Variants in DMD observed in about 807,000 individuals in gnomAD.
DMD encodes mutant dystrophin.
In DMD, 63 loss-of-function variants were observed where a neutral mutation model predicts 330.1. The ratio of observed to expected loss-of-function variants is 0.19; its 90% CI spans 0.16 to 0.24. DMD has a LOEUF of 0.24. Among genes scored for constraint, DMD ranks in the 10% least tolerant of loss-of-function variants. The pLI, the probability that DMD is intolerant of heterozygous loss-of-function variation, is 1.00. For missense variants in DMD, 3,344 were observed against 2,684.1 expected (o/e 1.25, Z -5.43); for synonymous variants, 1,223 against 959.8 (o/e 1.27, Z -5.07).
At chrX:32,854,244 A>T (rs764847254) in intron 2 of DMD, among the ~76,000 whole-genome samples, 2 of 111,649 alleles carry the variant, frequency 1.8e-5, no homozygotes, top group Non-Finnish European at 3.8e-5. Context: ...CAGAGTGTAC[A>T]TTCCTCTCAT....
chrX:33,204,007 G>C (rs1382733426), intron 1 of DMD, among the ~76,000 whole-genome samples: 2 of 111,021 alleles, frequency 1.8e-5, no homozygotes, highest in Non-Finnish European at 3.8e-5. Flanking sequence ...ATCTTGAATA[G>C]ATTTACTTCT....
Position 32,637,641 on chromosome X carries a change from T to C in DMD, c.1331+6491A>G, listed in dbSNP as rs191658190. Among the ~76,000 whole-genome samples the C allele has an allele frequency of 6.3e-5, 7 of 111,778 alleles. No homozygotes were observed. In the Admixed American group the frequency reaches 6.6e-4, roughly 11 times the overall value. On this transcript the variant is annotated intron_variant, in intron 11 of 78. Transcript: ENST00000357033. ...AGTTTAATTGACTCACAGTTCGGCA[T>C]GGCTGGGGAGGCCTCAGAAAAAATC... is the stretch of plus-strand genomic sequence containing the variant.
intron 26 of DMD, among the ~76,000 whole-genome samples, chrX:32,454,417 GA>G (rs764276668): frequency 9.0e-6 from 1 of 110,824 alleles, no homozygotes; most frequent in East Asian, 2.8e-4. Context: ...GATTTCAAGG[GA>G]AAATTGTTTC....
At chrX:31,525,882 C>T (rs1194044239) in intron 55 of DMD, among the ~76,000 whole-genome samples, 1 of 112,311 alleles carries the variant, frequency 8.9e-6, no homozygotes, top group African/African-American at 3.2e-5. Flanking sequence ...GGATAAAATT[C>T]CCCTGTTTCA....
intron 60 of DMD, among the ~76,000 whole-genome samples, chrX:31,379,327 G>A (rs965816480): frequency 3.6e-5 from 4 of 110,767 alleles, no homozygotes; most frequent in Middle Eastern, 9.2e-3. Flanking sequence ...TTAAAAAGGT[G>A]GCTGGAGCTA....
At position 33,045,315 on chromosome X, in the gene DMD, T is replaced by TACACACACACACACACACACACAC. The variant is rs55970492; in HGVS notation, c.32-25139_32-25116dup. ...TCAGAACTACACACACACAGGTGCG[T>TACACACACACACACACACACACAC]ACACACACACACACACACACACACA... On this transcript the variant is annotated intron_variant, in intron 1 of 78. Coordinates refer to ENST00000357033, the MANE Select transcript of DMD (RefSeq NM_004006.3). Among the ~76,000 whole-genome samples, 636 of 96,728 alleles carry TACACACACACACACACACACACAC rather than the reference T, an allele frequency of 6.6e-3. 7 individuals carry two copies. Among genetic ancestry groups the TACACACACACACACACACACACAC allele is most frequent in the Non-Finnish European group, 0.01 (492 of 48,637 alleles). 84.0% of individuals were successfully genotyped at this position (96,728 alleles called of 115,157 possible).
chrX:32,413,525 T>A (rs1259193474), intron 29 of DMD, among the ~76,000 whole-genome samples: 2 of 109,928 alleles, frequency 1.8e-5, no homozygotes, highest in Non-Finnish European at 3.8e-5. Flanking sequence ...CTCCATTGTC[T>A]TTACTCTAGT....
At chrX:31,304,190 C>T (rs998676887) in intron 62 of DMD, among the ~76,000 whole-genome samples, 2 of 111,999 alleles carry the variant, frequency 1.8e-5, no homozygotes, top group African/African-American at 6.5e-5. Context: ...TAACTTCTTA[C>T]TAACTTGGCT....
intron 7 of DMD, among the ~76,000 whole-genome samples, chrX:32,728,340 T>A (rs1032070273): frequency 7.2e-5 from 8 of 111,888 alleles, no homozygotes; most frequent in African/African-American, 2.3e-4. Context: ...CCCAATGTTG[T>A]AATACAGGCA....
chrX:32,643,855 G>A (rs2059623909), intron 11 of DMD, among the ~76,000 whole-genome samples: 1 of 111,607 alleles, frequency 9.0e-6, no homozygotes, highest in African/African-American at 3.2e-5. Context: ...AATGTTTGGA[G>A]GAAAACCTAG....
At chrX:32,421,975 A>G (rs1367566608) in intron 29 of DMD, among the ~76,000 whole-genome samples, 1 of 111,561 alleles carries the variant, frequency 9.0e-6, no homozygotes, top group African/African-American at 3.3e-5. Context: ...TTTCCGTGTC[A>G]TCAAAAATCT....
intron 1 of DMD, among the ~76,000 whole-genome samples, chrX:33,261,983 A>G (rs2052964740): frequency 9.1e-6 from 1 of 110,304 alleles, no homozygotes; most frequent in African/African-American, 3.3e-5. Flanking sequence ...CCATGAGTTC[A>G]GTCTAGATGA....
At chrX:32,606,246 T>G (rs1317163545) in intron 12 of DMD, among the ~76,000 whole-genome samples, 1 of 110,441 alleles carries the variant, frequency 9.1e-6, no homozygotes, top group Non-Finnish European at 1.9e-5. Context: ...TTGTTTTAAT[T>G]TTTAGATCCC....
intron 44 of DMD, among the ~76,000 whole-genome samples, chrX:31,995,081 C>T (rs1405662922): frequency 8.9e-6 from 1 of 112,150 alleles, no homozygotes; most frequent in Non-Finnish European, 1.9e-5. Context: ...CTTATCAACT[C>T]ACTTGCGGCC....
chrX:32,862,606 A>G (rs1180154420), intron 2 of DMD, among the ~76,000 whole-genome samples: 1 of 57,879 alleles, frequency 1.7e-5, no homozygotes, highest in Non-Finnish European at 2.9e-5. Context: ...ATTATGGTAA[A>G]TGCTTTATCT....
intron 54 of DMD, among the ~76,000 whole-genome samples, chrX:31,648,100 A>C (rs893387694): frequency 8.9e-6 from 1 of 111,921 alleles, no homozygotes; most frequent in Non-Finnish European, 1.9e-5. Flanking sequence ...TAAATGAAAA[A>C]ATAAAACTAT....
At chrX:33,055,597 A>G (rs1239870465) in intron 1 of DMD, among the ~76,000 whole-genome samples, 1 of 112,268 alleles carries the variant, frequency 8.9e-6, no homozygotes, top group Non-Finnish European at 1.9e-5. Flanking sequence ...TTGGCAATCA[A>G]TTGGGGAAAT....
chrX:32,351,036 T>C (rs1054997265), intron 37 of DMD, among the ~76,000 whole-genome samples: 2 of 111,195 alleles, frequency 1.8e-5, no homozygotes, highest in African/African-American at 6.5e-5. Context: ...AGTTTCTTTA[T>C]AACATGGAGA....
At chrX:31,663,215 T>A (rs776910601) in intron 53 of DMD, among the ~76,000 whole-genome samples, 4 of 111,917 alleles carry the variant, frequency 3.6e-5, no homozygotes, top group African/African-American at 6.5e-5. Flanking sequence ...GGACGGCTGC[T>A]CCCTCTGTAA....
Sources: gnomAD v4.1 joint callset for allele counts (sites outside exome capture counted in the v4.1 genomes callset) on GRCh38, gnomAD v4.1.1 for gene constraint, MANE v1.5 for transcripts, NCBI Gene and HGNC (gene_info 2026-07-23, HGNC 2026-07-21) for gene names.